HORMAD2: variants seen among roughly 807,000 people sequenced by gnomAD.
The protein encoded by HORMAD2 is HORMA domain-containing protein 2.
HORMAD2 carries 45 observed loss-of-function variants against 38.8 expected under a neutral mutation model. That is an observed-to-expected ratio of 1.16 (90% CI 0.91 to 1.49). The LOEUF (loss-of-function observed/expected upper bound fraction) is 1.49, where lower values mean the gene tolerates loss of function less well. Ranked by LOEUF, HORMAD2 falls within the 40% of genes most tolerant of loss-of-function variation. The pLI, the probability that HORMAD2 is intolerant of heterozygous loss-of-function variation, is 0.00. For missense variants in HORMAD2, 338 were observed against 367.0 expected, an observed-to-expected ratio of 0.92 and a Z score of 0.65; for synonymous variants, 126 against 122.8, an observed-to-expected ratio of 1.03 and a Z score of -0.17.
chr22:30,085,802 C>A (rs1221870401), intron 1 of HORMAD2, among the ~76,000 whole-genome samples: 2 of 152,134 alleles, frequency 1.3e-5, no homozygotes, highest in African/African-American at 4.8e-5. Context: ...GCTAGACTGA[C>A]ACAACAGCTA....
intron 10 of HORMAD2, among the ~76,000 whole-genome samples, chr22:30,173,902 A>G (rs2412977): frequency 0.16 from 23,984 of 152,158 alleles, 4,093 homozygotes; most frequent in African/African-American, 0.42. Context: ...ATCCCTTCTA[A>G]AGCTTCCCAA....
At chr22:30,136,465 T>C (rs1923662711) in intron 10 of HORMAD2, among the ~76,000 whole-genome samples, 1 of 152,182 alleles carries the variant, frequency 6.6e-6, no homozygotes, top group South Asian at 2.1e-4. Flanking sequence ...TCCTGTCTTA[T>C]TTCTCCTCTC....
chr22:30,155,528 G>A lies in HORMAD2; in HGVS notation c.820-20535G>A, dbSNP rs79552870. Among the ~76,000 whole-genome samples, 717 of 152,124 alleles carry A rather than the reference G, an allele frequency of 4.7e-3. 8 individuals are homozygous for A. The highest frequency in any genetic ancestry group is 0.016 in the African/African-American group (679 of 41,504). On this transcript the variant is annotated intron_variant, in intron 10 of 10. Coordinates refer to ENST00000336726, the MANE Select transcript of HORMAD2 (RefSeq NM_152510.4). ...ACAAGCTGTTCCAGACTCGTCTTGT[G>A]TTTTCCCTGTTCCAGTCCTGGAATC...
chr22:30,089,629 G>A (rs974688236), intron 1 of HORMAD2, among the ~76,000 whole-genome samples: 1 of 152,150 alleles, frequency 6.6e-6, no homozygotes, highest in Non-Finnish European at 1.5e-5. Flanking sequence ...GGGATTACAG[G>A]CATGAGCCAC....
At chr22:30,125,203 T>G (rs1428541198) in intron 10 of HORMAD2, among the ~76,000 whole-genome samples, 1 of 143,710 alleles carries the variant, frequency 7.0e-6, no homozygotes, top group East Asian at 2.0e-4. Context: ...TCTTTTCACT[T>G]TCTTTTTCTT....
intron 10 of HORMAD2, among the ~76,000 whole-genome samples, chr22:30,137,985 A>T (rs780510538): frequency 1.8e-4 from 27 of 152,222 alleles, no homozygotes; most frequent in Non-Finnish European, 2.8e-4. Context: ...GAACTCCAAA[A>T]TTCTTCCAAA....
At chr22:30,103,634 C>G in intron 4 of HORMAD2, 134 bp downstream of exon 4, 1 of 163,974 alleles carries the variant, frequency 6.1e-6, no homozygotes, top group Non-Finnish European at 1.1e-5. Context: ...CTTTCTTTTT[C>G]TTTTTCTGTT....
intron 5 of HORMAD2, among the ~76,000 whole-genome samples, chr22:30,105,644 CA>C (rs1179727426): frequency 6.6e-6 from 1 of 152,126 alleles, no homozygotes; most frequent in Non-Finnish European, 1.5e-5. Context: ...CCTAGGGATA[CA>C]AAGATAAAAC....
intron 5 of HORMAD2, among the ~76,000 whole-genome samples, chr22:30,104,819 TTCTG>T (rs1197706737): frequency 6.6e-6 from 1 of 152,204 alleles, no homozygotes; most frequent in Non-Finnish European, 1.5e-5. Context: ...TTGGTTTTTA[TTCTG>T]TCTTAGTTAT....
chr22:30,128,210 A>C (rs541339886), intron 10 of HORMAD2, among the ~76,000 whole-genome samples: 1 of 152,176 alleles, frequency 6.6e-6, no homozygotes, highest in Non-Finnish European at 1.5e-5. Context: ...TTTTAAAGCA[A>C]TGTTATTATA....
intron 10 of HORMAD2, among the ~76,000 whole-genome samples, chr22:30,157,071 C>T (rs1925124161): frequency 1.3e-5 from 2 of 152,158 alleles, no homozygotes; most frequent in African/African-American, 4.8e-5. Context: ...GCTGTAGATG[C>T]TGTTGAAGTG....
chr22:30,180,828 C>CCTTCCCTTCTTCCCTTCT (rs1163251933), downstream of HORMAD2, among the ~76,000 whole-genome samples: 7 of 148,526 alleles, frequency 4.7e-5, no homozygotes, highest in Admixed American at 1.3e-4. Context: ...TCCTTTCCCC[C>CCTTCCCTTCTTCCCTTCT]CTTCCCTTCT....
At chr22:30,162,328 C>A (rs886977372) in intron 10 of HORMAD2, among the ~76,000 whole-genome samples, 1 of 150,644 alleles carries the variant, frequency 6.6e-6, no homozygotes, top group Non-Finnish European at 1.5e-5. Context: ...TACACACACA[C>A]ACACACACAC....
chr22:30,107,448 T>A (rs745624411), intron 5 of HORMAD2, among the ~76,000 whole-genome samples: 3 of 152,084 alleles, frequency 2.0e-5, no homozygotes, highest in Non-Finnish European at 2.9e-5. Flanking sequence ...TGGTATGATA[T>A]GTTTTAAAAG....
chr22:30,125,919 C>T (rs1285837757), intron 10 of HORMAD2, among the ~76,000 whole-genome samples: 3 of 152,074 alleles, frequency 2.0e-5, no homozygotes, highest in Admixed American at 1.3e-4. Flanking sequence ...ATCTCAGGTG[C>T]CAAGAGTAAG....
chr22:30,125,223 T>C (rs1378787298), intron 10 of HORMAD2, among the ~76,000 whole-genome samples: 5 of 75,272 alleles, frequency 6.6e-5, no homozygotes, highest in South Asian at 7.2e-4. Context: ...TTTCTTTTTT[T>C]TTTTTTTTTT....
At chr22:30,183,036 G>A in the HORMAD2 span, among the ~76,000 whole-genome samples, 2 of 152,076 alleles carry the variant, frequency 1.3e-5, no homozygotes, top group Admixed American at 6.6e-5. Context: ...ACTTGCTTAC[G>A]CACATTTATT....
chr22:30,163,654 C>G (rs1925592553), intron 10 of HORMAD2, among the ~76,000 whole-genome samples: 1 of 152,054 alleles, frequency 6.6e-6, no homozygotes, highest in Admixed American at 6.6e-5. Context: ...TCTCAAACCA[C>G]TGAGCTCAAG....
At chr22:30,125,160 A>G (rs1006843824) in intron 10 of HORMAD2, among the ~76,000 whole-genome samples, 1 of 112,094 alleles carries the variant, frequency 8.9e-6, no homozygotes, top group Non-Finnish European at 1.9e-5. Context: ...TCACTCATTT[A>G]TGTTGCAATA....
Sources: gnomAD v4.1 joint callset for allele counts (sites outside exome capture counted in the v4.1 genomes callset) on GRCh38, gnomAD v4.1.1 for gene constraint, MANE v1.5 for transcripts, NCBI Gene and HGNC (gene_info 2026-07-23, HGNC 2026-07-21) for gene names.